The following SOHLH2 variants were observed in gnomAD, a reference collection of about 807,000 sequenced individuals.
The protein encoded by SOHLH2 is spermatogenesis and oogenesis specific basic helix-loop-helix 2, also known as spermatogenesis- and oogenesis-specific basic helix-loop-helix-containing protein 2.
In SOHLH2, 22 loss-of-function variants were observed where a neutral mutation model predicts 50.4. The ratio of observed to expected loss-of-function variants is 0.44; its 90% CI spans 0.31 to 0.62. The LOEUF (loss-of-function observed/expected upper bound fraction) is 0.62. SOHLH2 is among the 20% of genes least tolerant of loss of function. The probability of loss-of-function intolerance (pLI) is 0.08; values close to 1 mark genes in which losing one functional copy is unlikely to be tolerated. For synonymous variants in SOHLH2, 185 were observed against 187.3 expected, an observed-to-expected ratio of 0.99 and a Z score of 0.10; for missense variants, 412 against 504.4, an observed-to-expected ratio of 0.82 and a Z score of 1.76.
intron 1 of SOHLH2, among the ~76,000 whole-genome samples, chr13:36,213,292 T>C (rs1035321392): frequency 6.6e-6 from 1 of 152,218 alleles, no homozygotes. Context: ...TCCTGCACCA[T>C]AAAATACTAT....
chr13:36,187,277 A>T (rs1033378181), intron 6 of SOHLH2, among the ~76,000 whole-genome samples: 8 of 152,176 alleles, frequency 5.3e-5, no homozygotes, highest in African/African-American at 1.9e-4. Context: ...CCACCATTAG[A>T]TCTGGACATG....
intron 2 of SOHLH2, among the ~76,000 whole-genome samples, chr13:36,201,270 T>G (rs1868402756): frequency 6.6e-6 from 1 of 152,042 alleles, no homozygotes. Context: ...TCTGGAAAGA[T>G]GTACCATTTT....
chr13:36,210,425 C>T (rs1408157406), intron 1 of SOHLH2, among the ~76,000 whole-genome samples: 1 of 151,702 alleles, frequency 6.6e-6, no homozygotes, highest in Non-Finnish European at 1.5e-5. Flanking sequence ...TTCTAAATGT[C>T]ACATTTTACT....
chr13:36,179,528 C>G (rs958514746), intron 6 of SOHLH2, among the ~76,000 whole-genome samples: 2 of 152,172 alleles, frequency 1.3e-5, no homozygotes, highest in African/African-American at 4.8e-5. Context: ...CATGCCTCAG[C>G]CTCACGAGTA....
chr13:36,182,305 A>T, intron 6 of SOHLH2: 2 of 985,102 alleles, frequency 2.0e-6, no homozygotes, highest in Non-Finnish European at 2.4e-6. Context: ...TAAAAAGATA[A>T]GAGTTAAGAT....
At chr13:36,174,660 TA>T in intron 7 of SOHLH2, 61 bp downstream of exon 7, 1 of 1,596,922 alleles carries the variant, frequency 6.3e-7, no homozygotes, top group East Asian at 2.2e-5. Flanking sequence ...TTAAAAGAAG[TA>T]AAATTGTAGT....
chr13:36,205,154 A>G (rs1226099870), intron 1 of SOHLH2, among the ~76,000 whole-genome samples: 2 of 152,176 alleles, frequency 1.3e-5, no homozygotes, highest in African/African-American at 2.4e-5. Context: ...CTCTCTGTTC[A>G]GTTCCAATAC....
At chr13:36,179,583 A>AT (rs889898954) in intron 6 of SOHLH2, among the ~76,000 whole-genome samples, 91 of 146,722 alleles carry the variant, frequency 6.2e-4, no homozygotes, top group East Asian at 4.6e-3. Context: ...TAATTTTTTT[A>AT]TTTTTTTTTT....
chr13:36,178,778 T>A (rs983959035), intron 6 of SOHLH2, among the ~76,000 whole-genome samples: 9 of 152,046 alleles, frequency 5.9e-5, no homozygotes, highest in African/African-American at 2.2e-4. Context: ...TTTATTTAAC[T>A]TTTCATAGTA....
intron 6 of SOHLH2, among the ~76,000 whole-genome samples, chr13:36,177,756 G>C (rs1310720645): frequency 1.3e-5 from 2 of 152,004 alleles, no homozygotes; most frequent in Non-Finnish European, 2.9e-5. Flanking sequence ...CATTTTAATT[G>C]AATTGCAGGT....
At chr13:36,196,064 T>TGAAAATAA (rs1293389220) in intron 2 of SOHLH2, among the ~76,000 whole-genome samples, 7 of 151,080 alleles carry the variant, frequency 4.6e-5, no homozygotes, top group Admixed American at 2.6e-4. Context: ...CATATATATA[T>TGAAAATAA]GAAAATAAAT....
Position 36,168,687 on chromosome 13 carries a change from T to G in SOHLH2, c.*347A>C. On this transcript the variant is annotated 3_prime_UTR_variant, in exon 11 of 11. Coordinates refer to ENST00000379881, the MANE Select transcript of SOHLH2 (RefSeq NM_017826.3). ...ACACCTTCCCAATCTAATCATTTTATCGTGTCTACATGGATCTTCCTTATA... is the reference window on the plus strand; with the variant it reads ...ACACCTTCCCAATCTAATCATTTTAGCGTGTCTACATGGATCTTCCTTATA... 3.3e-6 allele frequency: 1 copy of G among 299,080 alleles called. No individual in the cohort carries two copies. Among genetic ancestry groups the G allele is most frequent in the Non-Finnish European group, 6.1e-6 (1 of 163,600 alleles). 18.5% of individuals were successfully genotyped at this position (299,080 alleles called of 1,614,324 possible).
chr13:36,179,745 T>C (rs1005234937), intron 6 of SOHLH2, among the ~76,000 whole-genome samples: 5 of 152,152 alleles, frequency 3.3e-5, no homozygotes, highest in African/African-American at 1.2e-4. Context: ...CATACCAGTC[T>C]TGCTTTTCTA....
At chr13:36,205,508 ATTTTTT>A (rs917678479) in intron 1 of SOHLH2, among the ~76,000 whole-genome samples, 1 of 151,600 alleles carries the variant, frequency 6.6e-6, no homozygotes, top group Non-Finnish European at 1.5e-5. Flanking sequence ...GTATAACATG[ATTTTTT>A]TTTAATTCTT....
intron 6 of SOHLH2, 40 bp downstream of exon 6, chr13:36,189,906 C>G: frequency 6.6e-7 from 1 of 1,521,196 alleles, no homozygotes; most frequent in African/African-American, 1.4e-5. Flanking sequence ...TTTCTCCCTA[C>G]AAAAGAATAA....
At chr13:36,204,788 G>T (rs918955664) in intron 1 of SOHLH2, among the ~76,000 whole-genome samples, 11 of 152,090 alleles carry the variant, frequency 7.2e-5, no homozygotes, top group African/African-American at 2.7e-4. Context: ...AACAGAAATC[G>T]GCATCAGTTT....
intron 2 of SOHLH2, among the ~76,000 whole-genome samples, chr13:36,195,671 G>C (rs1207983507): frequency 6.6e-6 from 1 of 152,202 alleles, no homozygotes; most frequent in Non-Finnish European, 1.5e-5. Flanking sequence ...GGCAAGAGCT[G>C]ATGGTAAGGA....
intron 1 of SOHLH2, among the ~76,000 whole-genome samples, chr13:36,205,441 G>A (rs1423101371): frequency 6.6e-6 from 1 of 151,920 alleles, no homozygotes; most frequent in African/African-American, 2.4e-5. Context: ...GTTTCTATTT[G>A]GAAGCTAAGA....
At chr13:36,209,455 C>T (rs74694612) in intron 1 of SOHLH2, among the ~76,000 whole-genome samples, 5,286 of 152,190 alleles carry the variant, frequency 0.035, 116 homozygotes, top group South Asian at 0.11. Context: ...TCCAAGATCA[C>T]AGCACTGGCA....
Sources: gnomAD v4.1 joint callset for allele counts (sites outside exome capture counted in the v4.1 genomes callset) on GRCh38, gnomAD v4.1.1 for gene constraint, MANE v1.5 for transcripts, NCBI Gene and HGNC (gene_info 2026-07-23, HGNC 2026-07-21) for gene names.